The following CACNA1F variants were observed in gnomAD, a reference collection of about 807,000 sequenced individuals.
The protein encoded by CACNA1F is voltage-dependent L-type calcium channel subunit alpha-1F.
CACNA1F carries 59 observed loss-of-function variants against 143.8 expected under a neutral mutation model. The observed-to-expected ratio is 0.41, with a 90% CI of 0.33 to 0.51. CACNA1F has a LOEUF of 0.51. CACNA1F is among the 20% of genes least tolerant of loss of function. CACNA1F has a pLI of 0.22. For synonymous variants in CACNA1F, 643 were observed against 649.1 expected (o/e 0.99, Z 0.14); for missense variants, 1,411 against 1,647.5 (o/e 0.86, Z 2.48).
chrX:49,207,033 G>C lies in CACNA1F; in HGVS notation c.5203C>G (p.Gln1735Glu). The change falls in exon 44 of 48, where the codon CAA (glutamine) becomes GAA (glutamate). Residue 1735 changes from glutamine (Q) to glutamate (E), a missense_variant. Coordinates refer to ENST00000323022, the MANE Select transcript of CACNA1F (RefSeq NM_001256789.3). ...QPKGTKGQNK[Q>E]DEDEEVPDRL... The stretch of plus-strand genomic sequence containing the variant: ...TCAGGGACTTCCTCATCCTCATCTT[G>C]CTTGTTTTGCCCTTTGGTTCCCTTG... The C allele has an allele frequency of 8.3e-7, 1 of 1,201,587 alleles. No homozygotes were observed. Among genetic ancestry groups the C allele is most frequent in the Non-Finnish European group, 1.1e-6 (1 of 888,874 alleles).
At chrX:49,218,571 G>A in intron 23 of CACNA1F, 29 bp from the exon 24 acceptor site, 12 of 1,182,092 alleles carry the variant, frequency 1.0e-5, no homozygotes, top group Non-Finnish European at 1.4e-5. Context: ...TCAGGCATTG[G>A]CCCTGGCTGG....
intron 13 of CACNA1F, 93 bp downstream of exon 13, chrX:49,225,816 G>A (rs1252618343): frequency 1.2e-6 from 1 of 804,009 alleles, no homozygotes; most frequent in Admixed American, 2.8e-5. Context: ...GCAGTGTCTT[G>A]GGGGCTGAGG....
At chrX:49,209,214 G>A (rs1557105618) in intron 42 of CACNA1F, 48 bp downstream of exon 42, 1 of 1,198,828 alleles carries the variant, frequency 8.3e-7, no homozygotes, top group Non-Finnish European at 1.1e-6. Context: ...GGGGATTGAC[G>A]AAGTATTTTA....
rs782690591 is a variant in CACNA1F, at chrX:49,210,682, G to C, written c.4393C>G (p.Arg1465Gly). Residue 1465 changes from arginine to glycine, a missense_variant, in exon 38 of 48, where the codon CGC (arginine) becomes GGC (glycine). Transcript: ENST00000323022. ...GCAACCACATCCAAGTGTTTGATGC[G>C]GCCCCTGGAGGAGTTGGGGAGGTAC... ...WSEYDPGAKG[R>G]IKHLDVVALL... 9 of 1,203,181 alleles carry C rather than the reference G, an allele frequency of 7.5e-6. No homozygotes were observed. The highest frequency in any genetic ancestry group is 1.0e-5 in the Non-Finnish European group (9 of 889,330).
In CACNA1F at chrX:49,226,082, G is replaced by A; in HGVS notation, c.1491-13C>T. ...GCGGAGGCGGCGGCTGGGGGAAGGG[G>A]AGCCCACAGGCTGAGATCACCTACC... On this transcript the variant is annotated splice_polypyrimidine_tract_variant and intron_variant, in intron 12 of 47. Transcript: ENST00000323022. 2 of 1,192,200 alleles carry A rather than the reference G, an allele frequency of 1.7e-6. No individual in the cohort carries two copies. Among genetic ancestry groups the A allele is most frequent in the Non-Finnish European group, 2.3e-6 (2 of 885,018 alleles).
Position 49,225,952 on chromosome X carries a change from G to A in CACNA1F, c.1608C>T (p.Ala536=), listed in dbSNP as rs1557109721. Residue 536 remains alanine, a synonymous_variant, in exon 13 of 48, where the codon GCC becomes GCT. Transcript: ENST00000323022. ...LLVFLNTLTI[A]SEHHGQPVWL... is the part of the protein sequence containing the mutation. ...ACACAGGCTGCCCGTGGTGCTCAGA[G>A]GCGATGGTCAACGTGTTGAGGAAGA... 8.5e-7 allele frequency: 1 copy of A among 1,170,070 alleles called. No homozygotes were observed. Among genetic ancestry groups the A allele is most frequent in the African/African-American group, 1.8e-5 (1 of 56,519 alleles).
Position 49,205,143 on chromosome X carries a change from G to C in CACNA1F, c.5895C>G (p.Ala1965=). The change falls in exon 48 of 48, where the codon GCC becomes GCG. Residue 1965 remains alanine (A), a synonymous_variant. Coordinates refer to ENST00000323022, the MANE Select transcript of CACNA1F (RefSeq NM_001256789.3). ...GTTGGGGAGGGGTGGGAATTCAGAG[G>C]GCGTGGACGCAGGCCATCTCGTCTC... ...DLGDEMACVH[A]L 3.3e-6 allele frequency: 4 copies of C among 1,202,272 alleles called. No individual in the cohort carries two copies. Among genetic ancestry groups the C allele is most frequent in the Non-Finnish European group, 4.5e-6 (4 of 887,175 alleles).
chrX:49,205,876 C>T, intron 46 of CACNA1F, 63 bp from the exon 47 acceptor site: 1 of 967,342 alleles, frequency 1.0e-6, no homozygotes, highest in South Asian at 2.1e-5. Flanking sequence ...GTCTAGGACT[C>T]ACCGCTGTGC....
rs138189763 is a variant in CACNA1F at position 49,205,209 on chromosome X, G to A, written c.5829C>T (p.Asp1943=). 7,249 of 1,209,072 alleles carry A rather than the reference G, an allele frequency of 6.0e-3. 20 individuals are homozygous for A. The highest frequency in any genetic ancestry group is 6.8e-3 in the Non-Finnish European group (6,089 of 894,542). ...CGAAGCGGGAGAGGATGGACTCCTC[G>A]TCGCTATAGAGAGAGCTGGTTCCCT... ...LAQGTSSLYS[D]EESILSRFDE... is the part of the protein sequence containing the mutation. The change falls in exon 48 of 48, where the codon GAC becomes GAT. Residue 1943 remains aspartate, a synonymous_variant. Coordinates refer to ENST00000323022, the MANE Select transcript of CACNA1F (RefSeq NM_001256789.3).
rs1557106532 is a variant in CACNA1F, at chrX:49,212,718, A to T, written c.3891T>A (p.Ser1297Arg). 8.3e-7 allele frequency: 1 copy of T among 1,209,134 alleles called. No homozygotes were observed. Among genetic ancestry groups the T allele is most frequent in the Admixed American group, 2.2e-5 (1 of 45,883 alleles). Residue 1297 changes from serine to arginine, a missense_variant, in exon 33 of 48, where the codon AGT (serine) becomes AGA (arginine). Around this residue, in one of 3 missense-constraint regions of CACNA1F, gnomAD observed 950 missense variants for 1,128.1 expected, o/e 0.84. Coordinates refer to ENST00000323022, the MANE Select transcript of CACNA1F (RefSeq NM_001256789.3). ...FRVMRLVKLLSKGEGIRTLLW... is the reference protein window; with the variant it reads ...FRVMRLVKLLRKGEGIRTLLW... Reference sequence around the variant, plus strand: ...GCAATGTGCGGATCCCTTCACCCTTACTGAGAAGCTTGACCAGCCGCATAA... The same window carrying T: ...GCAATGTGCGGATCCCTTCACCCTTTCTGAGAAGCTTGACCAGCCGCATAA...
Position 49,219,268 on chromosome X carries a change from A to G in CACNA1F, c.2673+53T>C, listed in dbSNP as rs781868478. On this transcript the variant is annotated intron_variant, in intron 21 of 47. Transcript: ENST00000323022. ...CACCCTGACCCAGCTTGTGCCCACT[A>G]GGACACCCCTGGGAGTGTCCCCTCA... 4.2e-5 allele frequency: 49 copies of G among 1,165,248 alleles called. No homozygotes were observed. The Admixed American group carries it at 7.9e-4, about 19-fold the overall frequency.
intron 1 of CACNA1F, 94 bp downstream of exon 1, chrX:49,233,191 G>A: frequency 2.1e-6 from 2 of 936,863 alleles, no homozygotes; most frequent in Non-Finnish European, 3.1e-6. Flanking sequence ...GTCCCCTAGA[G>A]GCTCTCTGGG....
intron 43 of CACNA1F, 51 bp downstream of exon 43, chrX:49,208,464 T>C: frequency 1.2e-6 from 1 of 824,212 alleles, no homozygotes; most frequent in Non-Finnish European, 1.6e-6. Flanking sequence ...CTCTATCCAG[T>C]GTCTAGTCCT....
In CACNA1F at chrX:49,226,207, C is replaced by G; in HGVS notation, c.1490+10G>C. ...TGGAGTCAAGGATTTGCACAACTTT[C>G]CCAACTCACCAGACTCTGGTTTTCA... On this transcript the variant is annotated intron_variant, in intron 12 of 47. Coordinates refer to ENST00000323022, the MANE Select transcript of CACNA1F (RefSeq NM_001256789.3). 1 of 1,204,436 alleles carries G rather than the reference C, an allele frequency of 8.3e-7. No homozygotes were observed. Among genetic ancestry groups the G allele is most frequent in the Non-Finnish European group, 1.1e-6 (1 of 888,854 alleles).
rs782253843 is a variant in CACNA1F, at chrX:49,210,041, C to T, written c.4590G>A (p.Gly1530=). ...GCTCCTGGTTGGCTTGCTCCAGGTT[C>T]CCTGCGTTGGAGGAGGATGTGGGGC... ...VRTSLKIKTE[G]NLEQANQELR... Residue 1530 remains glycine, a splice_region_variant and synonymous_variant, in exon 40 of 48, where the codon GGG becomes GGA. Transcript: ENST00000323022. The T allele has an allele frequency of 5.4e-5, 64 of 1,185,878 alleles. No individual in the cohort carries two copies. Among genetic ancestry groups the T allele is most frequent in the Non-Finnish European group, 7.3e-5 (64 of 873,094 alleles).
chrX:49,221,151 C>T, intron 17 of CACNA1F, 71 bp from the exon 18 acceptor site: 1 of 915,260 alleles, frequency 1.1e-6, no homozygotes, highest in South Asian at 2.0e-5. Flanking sequence ...ACAGACCTTT[C>T]TTGGGTCCCA....
At chrX:49,206,392 C>CAAAAA (rs1168190548) in intron 46 of CACNA1F, 119 bp downstream of exon 46, 246 of 165,989 alleles carry the variant, frequency 1.5e-3, no homozygotes, top group Middle Eastern at 3.8e-3. Flanking sequence ...AACTCTGTCT[C>CAAAAA]AAAAAAAAAA....
At chrX:49,232,149 G>C (rs2065884922) in intron 1 of CACNA1F, among the ~76,000 whole-genome samples, 1 of 111,589 alleles carries the variant, frequency 9.0e-6, no homozygotes, top group Non-Finnish European at 1.9e-5. Flanking sequence ...TCCAAGTGAA[G>C]TAGGGTTTGG....
Position 49,228,095 on chromosome X carries a change from C to T in CACNA1F, c.1059G>A (p.Val353=), listed in dbSNP as rs370289514. The part of the protein sequence containing the change: ...MGYELPWVYF[V]SLVIFGSFFV... The stretch of plus-strand genomic sequence containing the variant: ...AGAAGGACCCAAAGATGACAAGGCT[C>T]ACAAAGTACACCCAGGGCAGTTCAT... Residue 353 remains valine, a synonymous_variant, in exon 8 of 48, where the codon GTG becomes GTA. Transcript: ENST00000323022. The T allele has an allele frequency of 4.1e-6, 5 of 1,210,739 alleles. No individual in the cohort carries two copies. The highest frequency in any genetic ancestry group is 3.4e-6 in the Non-Finnish European group (3 of 894,687).
Sources: gnomAD v4.1 joint callset for allele counts (sites outside exome capture counted in the v4.1 genomes callset) on GRCh38, gnomAD v4.1.1 for gene constraint, gnomAD v4.1.1 regional missense constraint, MANE v1.5 for transcripts, NCBI Gene and HGNC (gene_info 2026-07-23, HGNC 2026-07-21) for gene names.